Variants in MYBL2 observed in about 807,000 individuals in gnomAD.
The protein encoded by MYBL2 is MYB proto-oncogene like 2.
In MYBL2, 28 loss-of-function variants were observed where a neutral mutation model predicts 79.9. The observed-to-expected ratio is 0.35, with a 90% CI of 0.26 to 0.48. The LOEUF (loss-of-function observed/expected upper bound fraction) is 0.48, where lower values mean the gene tolerates loss of function less well. Among genes scored for constraint, MYBL2 ranks in the 20% least tolerant of loss-of-function variants. The pLI is 0.99. For synonymous variants in MYBL2, 378 were observed against 361.2 expected (o/e 1.05, Z -0.53); for missense variants, 735 against 893.9 (o/e 0.82, Z 2.27).
chr20:43,689,417 C>T (rs1225849665), intron 5 of MYBL2, among the ~76,000 whole-genome samples: 4 of 152,188 alleles, frequency 2.6e-5, no homozygotes, highest in African/African-American at 9.6e-5. Flanking sequence ...ACCAGCCTCA[C>T]CTTGATCCAC....
chr20:43,714,391 C>T (rs573380081), intron 12 of MYBL2, among the ~76,000 whole-genome samples: 1 of 152,252 alleles, frequency 6.6e-6, no homozygotes, highest in South Asian at 2.1e-4. Context: ...ACAAAGCCAA[C>T]GTTATTGAGT....
intron 1 of MYBL2, among the ~76,000 whole-genome samples, chr20:43,671,823 C>A (rs1986864988): frequency 6.6e-6 from 1 of 151,342 alleles, no homozygotes; most frequent in Non-Finnish European, 1.5e-5. Flanking sequence ...TTTTTTGGAG[C>A]AACTTGGAAG....
chr20:43,686,589 T>C (rs1207482127), intron 4 of MYBL2, among the ~76,000 whole-genome samples: 1 of 152,164 alleles, frequency 6.6e-6, no homozygotes, highest in Non-Finnish European at 1.5e-5. Flanking sequence ...TGATCTCTAC[T>C]CTAGAAAGGG....
At chr20:43,704,356 C>G (rs1375501352) in intron 8 of MYBL2, among the ~76,000 whole-genome samples, 1 of 152,164 alleles carries the variant, frequency 6.6e-6, no homozygotes, top group Admixed American at 6.5e-5. Flanking sequence ...AGTATTAATA[C>G]AGTCCCATTC....
chr20:43,709,051 C>G (rs1021795178), intron 9 of MYBL2, among the ~76,000 whole-genome samples: 19 of 152,178 alleles, frequency 1.2e-4, no homozygotes, highest in Non-Finnish European at 2.9e-5. Flanking sequence ...TTTTTTATCT[C>G]CCCATGGAGT....
intron 2 of MYBL2, among the ~76,000 whole-genome samples, chr20:43,674,231 A>G (rs3092244): frequency 1.4e-4 from 14 of 96,958 alleles, no homozygotes; most frequent in East Asian, 3.3e-4. Flanking sequence ...AACTCCCCCC[A>G]CCCTTTTTTT....
chr20:43,686,943 G>A lies in MYBL2; in HGVS notation c.371G>A (p.Arg124His). ...CGGCTGGGGAAGCAGTGCCGTGAAC[G>A]CTGGCACAACCACCTCAACCCTGAG... ...KGRLGKQCRE[R>H]WHNHLNPEVK... The change falls in exon 5 of 14, where the codon CGC becomes CAC. Residue 124 changes from arginine (R) to histidine (H), a missense_variant. Arg to His is a conservative substitution (Grantham distance 29). Around this residue, in one of 5 missense-constraint regions of MYBL2, gnomAD observed 65 missense variants for 145.2 expected, o/e 0.45. Coordinates refer to ENST00000217026, the MANE Select transcript of MYBL2 (RefSeq NM_002466.4). 1 of 1,614,206 alleles carries A rather than the reference G, an allele frequency of 6.2e-7. No homozygotes were observed. Among genetic ancestry groups the A allele is most frequent in the Non-Finnish European group, 8.5e-7 (1 of 1,180,028 alleles).
chr20:43,704,291 C>G (rs978846293), intron 8 of MYBL2, among the ~76,000 whole-genome samples: 1 of 152,196 alleles, frequency 6.6e-6, no homozygotes, highest in African/African-American at 2.4e-5. Context: ...GCTGGGATTA[C>G]AGGCGTGAGC....
intron 8 of MYBL2, among the ~76,000 whole-genome samples, chr20:43,704,664 C>G (rs1180320632): frequency 1.3e-5 from 2 of 152,214 alleles, no homozygotes; most frequent in African/African-American, 4.8e-5. Context: ...ATTCTCACTT[C>G]TAGCACTCAG....
At chr20:43,681,436 G>T (rs1987140361) in intron 2 of MYBL2, among the ~76,000 whole-genome samples, 1 of 152,166 alleles carries the variant, frequency 6.6e-6, no homozygotes, top group South Asian at 2.1e-4. Context: ...AAATCATCTT[G>T]GATCTGTTTT....
rs544673600 is a variant in MYBL2 at position 43,710,538 on chromosome 20, G to A, written c.1605+476G>A. Among the ~76,000 whole-genome samples the A allele has an allele frequency of 5.9e-5, 9 of 152,324 alleles. No homozygotes were observed. In the South Asian group the frequency reaches 1.7e-3, roughly 28 times the overall value. Reference sequence around the variant, plus strand: ...CCTGCTCTTCCCAGTTGATGGGATGGTTGTGTTTTCTCTATGAAAAAAGGA... The same window carrying A: ...CCTGCTCTTCCCAGTTGATGGGATGATTGTGTTTTCTCTATGAAAAAAGGA... On this transcript the variant is annotated intron_variant, in intron 10 of 13. Transcript: ENST00000217026.
At chr20:43,707,903 T>G (rs2145732836) in intron 9 of MYBL2, among the ~76,000 whole-genome samples, 1 of 152,360 alleles carries the variant, frequency 6.6e-6, no homozygotes, top group East Asian at 1.9e-4. Flanking sequence ...GATTGGTCTC[T>G]GTGTCTTTTT....
chr20:43,712,348 C>G (rs1987926779), intron 11 of MYBL2, among the ~76,000 whole-genome samples: 1 of 152,174 alleles, frequency 6.6e-6, no homozygotes, highest in Non-Finnish European at 1.5e-5. Flanking sequence ...CTGGGCGGGA[C>G]TTGCCCGAGC....
intron 9 of MYBL2, 83 bp from the exon 10 acceptor site, chr20:43,709,879 TG>T: frequency 2.6e-6 from 3 of 1,149,152 alleles, no homozygotes; most frequent in South Asian, 3.1e-5. Context: ...AAGGTCGCAC[TG>T]GGGGAAGGTG....
At chr20:43,710,653 T>A (rs1182908878) in intron 10 of MYBL2, among the ~76,000 whole-genome samples, 1 of 152,164 alleles carries the variant, frequency 6.6e-6, no homozygotes, top group African/African-American at 2.4e-5. Context: ...CACTGGACTG[T>A]GAACAAGGTC....
chr20:43,705,035 G>A (rs1320560082), intron 8 of MYBL2, among the ~76,000 whole-genome samples, 184 bp from the exon 9 acceptor site: 1 of 152,104 alleles, frequency 6.6e-6, no homozygotes, highest in African/African-American at 2.4e-5. Flanking sequence ...TGCTTGGTGG[G>A]CTCCTGGCAT....
intron 3 of MYBL2, among the ~76,000 whole-genome samples, 178 bp from the exon 4 acceptor site, chr20:43,682,616 C>T (rs375631410): frequency 1.1e-4 from 17 of 152,288 alleles, no homozygotes; most frequent in Admixed American, 2.6e-4. Context: ...AAAGGGAAAC[C>T]GCCCATGTTC....
Position 43,667,280 on chromosome 20 carries a change from G to T in MYBL2, c.-4G>T, listed in dbSNP as rs1600537369. The T allele has an allele frequency of 8.1e-7, 1 of 1,227,370 alleles. No homozygotes were observed. 76.0% of individuals were successfully genotyped at this position (1,227,370 alleles called of 1,614,324 possible). On this transcript the variant is annotated 5_prime_UTR_variant, in exon 1 of 14. Transcript: ENST00000217026. ...GCGAGCGCGGCGCGGTCCGGGCCGGGGGGATGTCTCGGCGGACGCGCTGGT... is the reference window on the plus strand; with the variant it reads ...GCGAGCGCGGCGCGGTCCGGGCCGGTGGGATGTCTCGGCGGACGCGCTGGT...
intron 1 of MYBL2, among the ~76,000 whole-genome samples, chr20:43,668,205 T>C (rs1195816966): frequency 7.1e-6 from 1 of 140,844 alleles, no homozygotes; most frequent in East Asian, 2.0e-4. Flanking sequence ...TTTTTTTTTT[T>C]TTTTTTTTTT....
Sources: allele counts gnomAD v4.1 joint callset (sites outside exome capture counted in the v4.1 genomes callset), GRCh38; gene constraint gnomAD v4.1.1; regional missense constraint gnomAD v4.1.1; transcripts MANE v1.5; gene names NCBI Gene and HGNC (gene_info 2026-07-23, HGNC 2026-07-21).